Variants in SLC30A8 observed in about 807,000 individuals in gnomAD.
The protein encoded by SLC30A8 is solute carrier family 30 member 8.
In SLC30A8, 27 loss-of-function variants were observed where a neutral mutation model predicts 36.9. The ratio of observed to expected loss-of-function variants is 0.73; its 90% CI spans 0.54 to 1.01. The LOEUF is 1.01. SLC30A8 is among the 50% of genes least tolerant of loss of function. SLC30A8 has a pLI of 0.00. For synonymous variants in SLC30A8, 164 were observed against 172.4 expected, an observed-to-expected ratio of 0.95 and a Z score of 0.38; for missense variants, 439 against 452.0, an observed-to-expected ratio of 0.97 and a Z score of 0.26.
In SLC30A8 at chr8:117,135,288, A is replaced by G; in HGVS notation, c.-40A>G. ...CTTCCAAAACTGGGCAGTGAGTTCA[A>G]CAACAACGACAACAACAGCCGCAGC... On this transcript the variant is annotated 5_prime_UTR_variant, in exon 1 of 8. Coordinates refer to ENST00000456015, the MANE Select transcript of SLC30A8 (RefSeq NM_173851.3). 2 of 1,526,320 alleles carry G rather than the reference A, an allele frequency of 1.3e-6. No homozygotes were observed. The highest frequency in any genetic ancestry group is 2.3e-5 in the East Asian group (1 of 43,122). 94.5% of individuals were successfully genotyped at this position (1,526,320 alleles called of 1,614,324 possible).
chr8:117,079,919 C>T (rs1375608815), intron 2 of SLC30A8, among the ~76,000 whole-genome samples: 1 of 152,188 alleles, frequency 6.6e-6, no homozygotes, highest in African/African-American at 2.4e-5. Flanking sequence ...TAAAAGCATC[C>T]AGAATCCTAA....
intron 2 of SLC30A8, among the ~76,000 whole-genome samples, chr8:117,087,619 T>C (rs1010375144): frequency 5.3e-5 from 8 of 152,196 alleles, no homozygotes; most frequent in African/African-American, 1.9e-4. Flanking sequence ...TATGAGTTTC[T>C]GGAACTCCAA....
chr8:117,038,348 C>T (rs1032729851), intron 1 of SLC30A8, among the ~76,000 whole-genome samples: 3 of 152,092 alleles, frequency 2.0e-5, no homozygotes, highest in Non-Finnish European at 4.4e-5. Context: ...AAGTTCTATG[C>T]ACTTAACAAT....
At chr8:117,119,657 A>G (rs1820603956) in intron 2 of SLC30A8, among the ~76,000 whole-genome samples, 1 of 151,954 alleles carries the variant, frequency 6.6e-6, no homozygotes, top group African/African-American at 2.4e-5. Context: ...CTAATATATA[A>G]CGCCTTATCC....
At chr8:116,983,749 C>G (rs1394374150) in intron 1 of SLC30A8, among the ~76,000 whole-genome samples, 2 of 151,884 alleles carry the variant, frequency 1.3e-5, no homozygotes, top group African/African-American at 2.4e-5. Context: ...TATCATTCAC[C>G]TAGTTTGTTT....
chr8:117,009,008 A>G lies in SLC30A8; in HGVS notation c.-265-30211A>G, dbSNP rs549636651. Among the ~76,000 whole-genome samples, 3 of 152,334 alleles carry G rather than the reference A, an allele frequency of 2.0e-5. No homozygotes were observed. In the South Asian group the frequency reaches 6.2e-4, roughly 32 times the overall value. ...ATGGAATAATACAGGATTACTTGGG[A>G]ATCAAATGAGATGATGTTTGTAAAG... On this transcript the variant is annotated intron_variant, in intron 1 of 10. Transcript: ENST00000427715.
At chr8:116,976,818 C>CTTTTCTTTTCTTTTCTTTTCT (rs1554620309) in intron 1 of SLC30A8, among the ~76,000 whole-genome samples, 3 of 134,646 alleles carry the variant, frequency 2.2e-5, no homozygotes, top group African/African-American at 9.5e-5. Context: ...TTCTTTCTTT[C>CTTTTCTTTTCTTTTCTTTTCT]TTTCTTTTTT....
chr8:117,157,138 T>G (rs191452284), intron 3 of SLC30A8, among the ~76,000 whole-genome samples: 1 of 152,352 alleles, frequency 6.6e-6, no homozygotes, highest in Non-Finnish European at 1.5e-5. Flanking sequence ...TAAAATGCAG[T>G]CAGAGTGTTA....
intron 1 of SLC30A8, among the ~76,000 whole-genome samples, chr8:117,020,010 G>C (rs1161099849): frequency 6.6e-6 from 1 of 152,134 alleles, no homozygotes. Context: ...TAGCCAGGCA[G>C]GTAAGAAAAG....
At chr8:116,996,895 C>G (rs887897912) in intron 1 of SLC30A8, among the ~76,000 whole-genome samples, 4 of 151,696 alleles carry the variant, frequency 2.6e-5, no homozygotes, top group African/African-American at 7.3e-5. Flanking sequence ...TGGCCCAACT[C>G]CAAACCCCAT....
At chr8:116,978,581 T>C (rs1185876731) in intron 1 of SLC30A8, among the ~76,000 whole-genome samples, 1 of 152,234 alleles carries the variant, frequency 6.6e-6, no homozygotes, top group African/African-American at 2.4e-5. Flanking sequence ...TTTTTCCCTT[T>C]GTCTCTTTTC....
upstream of SLC30A8, among the ~76,000 whole-genome samples, chr8:117,133,842 T>C (rs1181290154): frequency 6.6e-6 from 1 of 151,944 alleles, no homozygotes; most frequent in Non-Finnish European, 1.5e-5. Flanking sequence ...AGACCCAGGA[T>C]TTCAATGCCT....
chr8:117,108,680 C>T (rs1820100899), intron 2 of SLC30A8, among the ~76,000 whole-genome samples: 1 of 152,194 alleles, frequency 6.6e-6, no homozygotes, highest in South Asian at 2.1e-4. Flanking sequence ...TCACATGTTG[C>T]TGGGAACCCT....
intron 1 of SLC30A8, among the ~76,000 whole-genome samples, chr8:117,037,565 T>A (rs1252571681): frequency 1.3e-5 from 2 of 151,938 alleles, no homozygotes; most frequent in Non-Finnish European, 2.9e-5. Context: ...ATTTCTACAA[T>A]TTTTTTTGAG....
intron 1 of SLC30A8, among the ~76,000 whole-genome samples, chr8:117,038,697 C>T (rs550236163): frequency 2.6e-5 from 4 of 152,168 alleles, no homozygotes; most frequent in African/African-American, 9.7e-5. Flanking sequence ...AGAGTAAAAT[C>T]GTACTCTAGA....
At chr8:117,003,547 G>T (rs1300001802) in intron 1 of SLC30A8, among the ~76,000 whole-genome samples, 1 of 152,158 alleles carries the variant, frequency 6.6e-6, no homozygotes, top group Non-Finnish European at 1.5e-5. Context: ...CTGATGTAAA[G>T]GTTATCAAGA....
At chr8:116,967,702 A>T (rs1413792477) in intron 1 of SLC30A8, among the ~76,000 whole-genome samples, 1 of 152,228 alleles carries the variant, frequency 6.6e-6, no homozygotes, top group Non-Finnish European at 1.5e-5. Flanking sequence ...GGAGAGCATA[A>T]TCAGCCACAG....
At chr8:117,146,377 C>T (rs1325293372) in intron 1 of SLC30A8, among the ~76,000 whole-genome samples, 2 of 152,094 alleles carry the variant, frequency 1.3e-5, no homozygotes, top group Non-Finnish European at 2.9e-5. Context: ...AACTGATATT[C>T]ACTGCCTGCT....
intron 1 of SLC30A8, among the ~76,000 whole-genome samples, chr8:116,959,051 G>A (rs530196339): frequency 4.0e-5 from 6 of 151,568 alleles, no homozygotes; most frequent in Admixed American, 2.0e-4. Context: ...GGGTTTCACC[G>A]TGTTAGCCGG....
Sources: allele counts gnomAD v4.1 joint callset (sites outside exome capture counted in the v4.1 genomes callset), GRCh38; gene constraint gnomAD v4.1.1; transcripts MANE v1.5; gene names NCBI Gene and HGNC (gene_info 2026-07-23, HGNC 2026-07-21).